Variants in MAST4 observed in about 807,000 individuals in gnomAD.
The protein encoded by MAST4 is microtubule associated serine/threonine kinase family member 4.
MAST4 carries 89 observed loss-of-function variants against 162.7 expected under a neutral mutation model. The ratio of observed to expected loss-of-function variants is 0.55; its 90% CI spans 0.46 to 0.65. The LOEUF (loss-of-function observed/expected upper bound fraction) is 0.65. MAST4 is among the 30% of genes least tolerant of loss of function. The probability of loss-of-function intolerance (pLI) is 0.00; values close to 1 mark genes in which losing one functional copy is unlikely to be tolerated. For synonymous variants in MAST4, 1,479 were observed against 1,361.1 expected, an observed-to-expected ratio of 1.09 and a Z score of -1.91; for missense variants, 3,153 against 3,374.0, an observed-to-expected ratio of 0.93 and a Z score of 1.62.
intron 1 of MAST4, among the ~76,000 whole-genome samples, chr5:66,610,353 G>A (rs1743209930): frequency 6.6e-6 from 1 of 152,188 alleles, no homozygotes; most frequent in Admixed American, 6.5e-5. Context: ...TTTAAATGGT[G>A]ATTCAGTTTC....
At chr5:67,058,338 T>C (rs1759114675) in intron 5 of MAST4, among the ~76,000 whole-genome samples, 1 of 152,238 alleles carries the variant, frequency 6.6e-6, no homozygotes, top group Non-Finnish European at 1.5e-5. Flanking sequence ...TGTGAATTAG[T>C]GTAACCATTT....
chr5:66,973,107 G>T (rs1267116365), intron 4 of MAST4, among the ~76,000 whole-genome samples: 2 of 151,702 alleles, frequency 1.3e-5, no homozygotes, highest in African/African-American at 4.8e-5. Flanking sequence ...TTTTCTCCTG[G>T]ACCATTTGAG....
chr5:66,967,641 G>A (rs535262873), intron 4 of MAST4, among the ~76,000 whole-genome samples: 37 of 147,236 alleles, frequency 2.5e-4, no homozygotes, highest in Admixed American at 2.3e-3. Context: ...ATTAGACTAC[G>A]TTATTCTCAA....
intron 3 of MAST4, among the ~76,000 whole-genome samples, chr5:66,889,221 G>T (rs1036112720): frequency 1.3e-5 from 2 of 152,094 alleles, no homozygotes; most frequent in Non-Finnish European, 2.9e-5. Context: ...AGCCTTGTGG[G>T]GCACAGCTGT....
At chr5:66,687,994 T>C (rs1748799959) in intron 1 of MAST4, among the ~76,000 whole-genome samples, 1 of 152,214 alleles carries the variant, frequency 6.6e-6, no homozygotes, top group South Asian at 2.1e-4. Context: ...GTTGCATAAG[T>C]AGTTGGACTC....
At chr5:67,105,174 A>G (rs1765460482) in intron 10 of MAST4, among the ~76,000 whole-genome samples, 1 of 152,166 alleles carries the variant, frequency 6.6e-6, no homozygotes, top group Admixed American at 6.5e-5. Flanking sequence ...GTATGGGGGA[A>G]TGGAATGCAT....
chr5:67,029,037 A>G (rs906410384), intron 4 of MAST4, among the ~76,000 whole-genome samples: 3 of 152,084 alleles, frequency 2.0e-5, no homozygotes, highest in African/African-American at 7.2e-5. Context: ...TGAGATGCTG[A>G]AGTGAGAAGA....
At chr5:67,097,975 G>A (rs1196830745) in intron 7 of MAST4, among the ~76,000 whole-genome samples, 1 of 152,050 alleles carries the variant, frequency 6.6e-6, no homozygotes, top group Non-Finnish European at 1.5e-5. Flanking sequence ...CTTCTTAGTA[G>A]TTGCAGGTTT....
intron 3 of MAST4, among the ~76,000 whole-genome samples, chr5:66,858,666 T>G (rs942157419): frequency 1.3e-5 from 2 of 152,234 alleles, no homozygotes; most frequent in Non-Finnish European, 2.9e-5. Flanking sequence ...TGGCTATTTA[T>G]GCTTTTAAGT....
chr5:67,165,877 G>T lies in MAST4; in HGVS notation c.6698G>T (p.Gly2233Val), dbSNP rs1421760896. 2 of 1,613,254 alleles carry T rather than the reference G, an allele frequency of 1.2e-6. No individual in the cohort carries two copies. Among genetic ancestry groups the T allele is most frequent in the Non-Finnish European group, 1.7e-6 (2 of 1,179,902 alleles). Residue 2233 changes from glycine to valine, a missense_variant, in exon 29 of 29, where the codon GGT becomes GTT. Gly to Val is a moderately radical substitution (Grantham distance 109). Coordinates refer to ENST00000403625, the MANE Select transcript of MAST4 (RefSeq NM_001164664.2). Reference sequence around the variant, plus strand: ...AAAGAGCCTGCCACTCAGTCCCTCGGTGGCTCTAGCAGAGAGGGGAAGGGC... The same window carrying T: ...AAAGAGCCTGCCACTCAGTCCCTCGTTGGCTCTAGCAGAGAGGGGAAGGGC... ...KGKEPATQSLGGSSREGKGHS... is the reference protein window; with the variant it reads ...KGKEPATQSLVGSSREGKGHS...
chr5:66,852,313 T>A (rs1759371215), intron 3 of MAST4, among the ~76,000 whole-genome samples: 1 of 152,082 alleles, frequency 6.6e-6, no homozygotes, highest in East Asian at 1.9e-4. Context: ...ATGGGCTAAT[T>A]TTTGTACTTT....
chr5:66,976,299 A>G (rs934719718), intron 4 of MAST4, among the ~76,000 whole-genome samples: 1 of 152,230 alleles, frequency 6.6e-6, no homozygotes, highest in African/African-American at 2.4e-5. Flanking sequence ...CAGCCATCAG[A>G]GTTCTGCTGC....
chr5:66,965,248 T>A (rs1391435627), intron 4 of MAST4, among the ~76,000 whole-genome samples: 1 of 142,622 alleles, frequency 7.0e-6, no homozygotes, highest in Non-Finnish European at 1.5e-5. Flanking sequence ...TTTTTCCCTA[T>A]CTGGAGAATT....
At chr5:66,972,990 G>GA (rs1401666326) in intron 4 of MAST4, among the ~76,000 whole-genome samples, 2 of 152,006 alleles carry the variant, frequency 1.3e-5, no homozygotes, top group African/African-American at 4.8e-5. Flanking sequence ...TTAAAAAGTT[G>GA]AAAAAATTGT....
At chr5:66,801,199 G>T (rs6897764) in intron 3 of MAST4, among the ~76,000 whole-genome samples, 3,749 of 152,194 alleles carry the variant, frequency 0.025, 129 homozygotes, top group South Asian at 0.076. Context: ...ATTTTAACAG[G>T]CCTGTGTATC....
chr5:66,626,905 G>A (rs891979615), intron 1 of MAST4, among the ~76,000 whole-genome samples: 9 of 152,068 alleles, frequency 5.9e-5, no homozygotes, highest in African/African-American at 2.2e-4. Flanking sequence ...GGGACCAATG[G>A]GATCATTGGG....
intron 1 of MAST4, among the ~76,000 whole-genome samples, chr5:66,734,241 C>A (rs12188593): frequency 1.3e-5 from 2 of 152,016 alleles, no homozygotes; most frequent in Non-Finnish European, 2.9e-5. Context: ...AGATTGCAGA[C>A]TTTTGGGGGG....
intron 11 of MAST4, among the ~76,000 whole-genome samples, chr5:67,111,382 G>A (rs555756218): frequency 3.3e-5 from 5 of 152,258 alleles, no homozygotes; most frequent in South Asian, 2.1e-4. Flanking sequence ...CCATAAATAC[G>A]TACTAGTGCC....
intron 1 of MAST4, among the ~76,000 whole-genome samples, chr5:66,684,984 A>AG (rs1356454961): frequency 6.6e-6 from 1 of 152,194 alleles, no homozygotes; most frequent in Non-Finnish European, 1.5e-5. Flanking sequence ...ATAGCTGGCC[A>AG]GGTGGGGTGG....
Sources: gnomAD v4.1 joint callset for allele counts (sites outside exome capture counted in the v4.1 genomes callset) on GRCh38, gnomAD v4.1.1 for gene constraint, MANE v1.5 for transcripts, NCBI Gene and HGNC (gene_info 2026-07-23, HGNC 2026-07-21) for gene names.